The following CEP112 variants were observed in gnomAD, a reference collection of about 807,000 sequenced individuals.
CEP112 encodes centrosomal protein of 112 kDa.
A neutral mutation model predicts 153.0 loss-of-function variants in CEP112; 127 were observed. That is an observed-to-expected ratio of 0.83 (90% CI 0.72 to 0.96). The LOEUF (loss-of-function observed/expected upper bound fraction) is 0.96, where lower values mean the gene tolerates loss of function less well. Among genes scored for constraint, CEP112 ranks in the 40% least tolerant of loss-of-function variants. The pLI, the probability that CEP112 is intolerant of heterozygous loss-of-function variation, is 0.00. For missense variants in CEP112, 1,089 were observed against 1,101.2 expected (o/e 0.99, Z 0.16); for synonymous variants, 358 against 374.4 (o/e 0.96, Z 0.51).
chr17:65,654,825 C>A, intron 24 of CEP112: 1 of 403,944 alleles, frequency 2.5e-6, no homozygotes, highest in Non-Finnish European at 4.7e-6. Flanking sequence ...AATAAACTGT[C>A]TGAATTTGTT....
At chr17:65,791,813 T>C (rs1274454036) in intron 21 of CEP112, among the ~76,000 whole-genome samples, 1 of 152,204 alleles carries the variant, frequency 6.6e-6, no homozygotes, top group Admixed American at 6.5e-5. Flanking sequence ...TATTTAATTA[T>C]GTGGTTCCCC....
chr17:65,694,535 AAGC>A (rs1184579980), intron 23 of CEP112, among the ~76,000 whole-genome samples: 1 of 152,228 alleles, frequency 6.6e-6, no homozygotes, highest in Non-Finnish European at 1.5e-5. Context: ...TAATCAGAGA[AAGC>A]AGTTGTATTT....
intron 21 of CEP112, among the ~76,000 whole-genome samples, chr17:65,756,450 G>A (rs1392252568): frequency 6.7e-6 from 1 of 148,388 alleles, no homozygotes; most frequent in Non-Finnish European, 1.5e-5. Context: ...AGGATAATAC[G>A]GAATCTTGAG....
chr17:65,686,253 T>C (rs563435288), intron 24 of CEP112, among the ~76,000 whole-genome samples: 1 of 152,046 alleles, frequency 6.6e-6, no homozygotes, highest in African/African-American at 2.4e-5. Flanking sequence ...TGTAGCCTAA[T>C]AGAAGATATC....
intron 18 of CEP112, among the ~76,000 whole-genome samples, chr17:65,928,962 C>CTGTA (rs996331036): frequency 9.2e-5 from 14 of 152,304 alleles, no homozygotes; most frequent in Admixed American, 7.8e-4. Context: ...AGACCACATA[C>CTGTA]TGTAGGATTC....
chr17:65,975,885 C>T (rs1362398401), intron 17 of CEP112, among the ~76,000 whole-genome samples: 1 of 152,124 alleles, frequency 6.6e-6, no homozygotes, highest in African/African-American at 2.4e-5. Flanking sequence ...AGAGAAAAAA[C>T]CCATACCTAT....
chr17:65,861,010 T>C (rs2058295799), intron 20 of CEP112, among the ~76,000 whole-genome samples: 1 of 152,230 alleles, frequency 6.6e-6, no homozygotes. Context: ...CACAACATAT[T>C]GTGTGATTCC....
intron 24 of CEP112, among the ~76,000 whole-genome samples, chr17:65,649,073 A>ACACACACAC (rs2045597016): frequency 9.3e-5 from 13 of 139,866 alleles, no homozygotes; most frequent in Non-Finnish European, 1.3e-4. Flanking sequence ...CAAACAAACA[A>ACACACACAC]ACACACACAC....
At chr17:66,108,436 C>A (rs1355181188) in intron 6 of CEP112, among the ~76,000 whole-genome samples, 1 of 152,000 alleles carries the variant, frequency 6.6e-6, no homozygotes, top group Non-Finnish European at 1.5e-5. Context: ...AATAATCCGA[C>A]TTGAAAATGG....
At chr17:65,722,498 C>T (rs2049942926) in intron 23 of CEP112, among the ~76,000 whole-genome samples, 8 of 152,202 alleles carry the variant, frequency 5.3e-5, no homozygotes, top group Admixed American at 5.2e-4. Flanking sequence ...ATCTGCCTGC[C>T]TTGGCCTCCC....
intron 16 of CEP112, among the ~76,000 whole-genome samples, chr17:66,018,761 C>T (rs889714784): frequency 3.3e-5 from 5 of 152,118 alleles, no homozygotes; most frequent in Non-Finnish European, 5.9e-5. Context: ...CATTAGACTT[C>T]GTATCTCATT....
chr17:66,170,536 G>A (rs1401458119), intron 4 of CEP112, among the ~76,000 whole-genome samples: 1 of 151,936 alleles, frequency 6.6e-6, no homozygotes, highest in African/African-American at 2.4e-5. Context: ...AGGCCAAGGT[G>A]GGCATATCAC....
chr17:65,764,398 T>G (rs1253832641), intron 21 of CEP112, among the ~76,000 whole-genome samples: 1 of 152,262 alleles, frequency 6.6e-6, no homozygotes, highest in Non-Finnish European at 1.5e-5. Flanking sequence ...TCCCTTCATG[T>G]CCATTAATAT....
chr17:65,693,392 C>T (rs74554487), intron 23 of CEP112, among the ~76,000 whole-genome samples: 2,541 of 151,878 alleles, frequency 0.017, 68 homozygotes, highest in African/African-American at 0.057. Flanking sequence ...GCCCTATTCA[C>T]GCCCAATTGT....
At chr17:65,915,611 C>G (rs2060447850) in intron 19 of CEP112, among the ~76,000 whole-genome samples, 1 of 151,872 alleles carries the variant, frequency 6.6e-6, no homozygotes, top group Non-Finnish European at 1.5e-5. Context: ...TAGTGAAACC[C>G]TGTCTCTGCT....
intron 21 of CEP112, among the ~76,000 whole-genome samples, chr17:65,752,383 C>T (rs2051934107): frequency 6.6e-6 from 1 of 152,114 alleles, no homozygotes; most frequent in African/African-American, 2.4e-5. Context: ...GACTGGATTT[C>T]CCTCTTGGAT....
chr17:65,706,869 C>T (rs866636262), intron 23 of CEP112, among the ~76,000 whole-genome samples: 1 of 152,128 alleles, frequency 6.6e-6, no homozygotes, highest in Non-Finnish European at 1.5e-5. Flanking sequence ...AGCAATATTC[C>T]GCATCATCTT....
At chr17:66,022,598 A>C (rs1229749668) in intron 16 of CEP112, among the ~76,000 whole-genome samples, 3 of 151,712 alleles carry the variant, frequency 2.0e-5, no homozygotes, top group Admixed American at 2.0e-4. Context: ...AGTCCCAGCT[A>C]CTCAGGAGGC....
At chr17:66,028,973 C>T in intron 14 of CEP112, 150 bp downstream of exon 14, 1 of 591,294 alleles carries the variant, frequency 1.7e-6, no homozygotes, top group Non-Finnish European at 2.9e-6. Flanking sequence ...TTTTAAATAC[C>T]AGTAAAAATT....
Sources: gnomAD v4.1 joint callset for allele counts (sites outside exome capture counted in the v4.1 genomes callset) on GRCh38, gnomAD v4.1.1 for gene constraint, MANE v1.5 for transcripts, NCBI Gene and HGNC (gene_info 2026-07-23, HGNC 2026-07-21) for gene names.